NXPH1: variants seen among roughly 807,000 people sequenced by gnomAD.
The protein encoded by NXPH1 is neurexophilin 1.
NXPH1 carries 5 observed loss-of-function variants against 23.7 expected under a neutral mutation model. That is an observed-to-expected ratio of 0.21 (90% CI 0.11 to 0.44). NXPH1 has a LOEUF of 0.44. NXPH1 is among the 20% of genes least tolerant of loss of function. NXPH1 has a pLI of 0.99. For missense variants in NXPH1, 324 were observed against 321.6 expected (o/e 1.01, Z -0.06); for synonymous variants, 144 against 122.2 (o/e 1.18, Z -1.18).
At chr7:8,448,838 AAAAG>A (rs1172434900) in intron 2 of NXPH1, among the ~76,000 whole-genome samples, 1 of 151,594 alleles carries the variant, frequency 6.6e-6, no homozygotes, top group African/African-American at 2.4e-5. Context: ...AAAAAAAAAA[AAAAG>A]GACATTTCTA....
intron 2 of NXPH1, among the ~76,000 whole-genome samples, chr7:8,699,849 G>A (rs991371606): frequency 6.6e-6 from 1 of 152,060 alleles, no homozygotes; most frequent in African/African-American, 2.4e-5. Context: ...TGCTCTTCAT[G>A]GTGATTTGTG....
chr7:8,599,447 C>G (rs1173180855), intron 2 of NXPH1, among the ~76,000 whole-genome samples: 2 of 152,100 alleles, frequency 1.3e-5, no homozygotes, highest in Non-Finnish European at 2.9e-5. Context: ...CTGTCTTCCC[C>G]ACTTAGTAAG....
chr7:8,701,030 C>G (rs947022103), intron 2 of NXPH1, among the ~76,000 whole-genome samples: 1 of 152,038 alleles, frequency 6.6e-6, no homozygotes, highest in South Asian at 2.1e-4. Context: ...GAAAGTTTCA[C>G]CACTCTCTCA....
intron 2 of NXPH1, among the ~76,000 whole-genome samples, chr7:8,541,269 A>G (rs1014873963): frequency 5.9e-5 from 9 of 151,768 alleles, no homozygotes; most frequent in African/African-American, 2.2e-4. Flanking sequence ...ACTTGAAGAC[A>G]TAACAATAGA....
intron 2 of NXPH1, among the ~76,000 whole-genome samples, chr7:8,650,116 C>T (rs901558667): frequency 1.3e-5 from 2 of 152,090 alleles, no homozygotes; most frequent in Non-Finnish European, 2.9e-5. Flanking sequence ...TCTTAATTTA[C>T]TTTGATTTAG....
intron 2 of NXPH1, among the ~76,000 whole-genome samples, chr7:8,676,773 G>T (rs773101818): frequency 3.3e-5 from 5 of 152,106 alleles, no homozygotes; most frequent in African/African-American, 1.2e-4. Flanking sequence ...GGGCTTAAAG[G>T]CCAGAGAGAA....
intron 2 of NXPH1, among the ~76,000 whole-genome samples, chr7:8,574,612 T>A (rs1424208220): frequency 6.6e-6 from 1 of 152,196 alleles, no homozygotes; most frequent in Non-Finnish European, 1.5e-5. Context: ...GTTGTTTTCC[T>A]GGTGTCTGCA....
In NXPH1 at chr7:8,725,163, G is replaced by A. The variant is rs180893756; in HGVS notation, c.55-25845G>A. Among the ~76,000 whole-genome samples the A allele has an allele frequency of 7.9e-4, 120 of 152,302 alleles. 1 individual carries two copies. Among genetic ancestry groups the A allele is most frequent in the Non-Finnish European group, 1.5e-3 (104 of 68,020 alleles). On this transcript the variant is annotated intron_variant, in intron 2 of 2. Coordinates refer to ENST00000405863, the MANE Select transcript of NXPH1 (RefSeq NM_152745.3). ...AATAGTGGTGTTTGATATTCTCAGT[G>A]CATGAGTTGTATCTTCCCTGAGCTA...
chr7:8,711,134 C>A (rs569080541), intron 2 of NXPH1, among the ~76,000 whole-genome samples: 21 of 152,234 alleles, frequency 1.4e-4, no homozygotes, highest in African/African-American at 5.1e-4. Context: ...AAAGGGTGAA[C>A]CATTTCCAAG....
intron 2 of NXPH1, among the ~76,000 whole-genome samples, chr7:8,732,691 A>G (rs894022937): frequency 5.9e-5 from 9 of 152,108 alleles, no homozygotes; most frequent in African/African-American, 1.9e-4. Context: ...CTTAGATGAG[A>G]TACGCCTTAT....
At chr7:8,539,583 A>C (rs927633546) in intron 2 of NXPH1, among the ~76,000 whole-genome samples, 3 of 151,860 alleles carry the variant, frequency 2.0e-5, no homozygotes, top group African/African-American at 7.2e-5. Flanking sequence ...CAACCCTCAC[A>C]TATTATGTAT....
intron 2 of NXPH1, among the ~76,000 whole-genome samples, chr7:8,537,479 G>A: frequency 6.6e-6 from 1 of 151,862 alleles, no homozygotes. Context: ...AGCAAAGGGG[G>A]AAAAGCCTCT....
At chr7:8,519,993 A>C (rs1319216155) in intron 2 of NXPH1, among the ~76,000 whole-genome samples, 1 of 152,120 alleles carries the variant, frequency 6.6e-6, no homozygotes, top group African/African-American at 2.4e-5. Context: ...GTTTTTCACT[A>C]TCTCCATCAT....
intron 2 of NXPH1, among the ~76,000 whole-genome samples, chr7:8,706,799 G>C (rs1000104061): frequency 6.6e-6 from 1 of 152,186 alleles, no homozygotes; most frequent in African/African-American, 2.4e-5. Flanking sequence ...TCCTCTGTGG[G>C]TACCCCATTG....
intron 2 of NXPH1, among the ~76,000 whole-genome samples, chr7:8,748,223 A>G (rs1780504599): frequency 6.6e-6 from 1 of 152,190 alleles, no homozygotes; most frequent in South Asian, 2.1e-4. Flanking sequence ...TACTGTTTGA[A>G]TGTGGTCCAT....
chr7:8,629,659 C>G (rs933476983), intron 2 of NXPH1, among the ~76,000 whole-genome samples: 4 of 151,700 alleles, frequency 2.6e-5, no homozygotes, highest in African/African-American at 9.7e-5. Context: ...AAGTAGAGGC[C>G]ACTGGGTGAA....
In NXPH1 at chr7:8,519,671, C is replaced by A. The variant is rs192802138; in HGVS notation, c.54+83904C>A. 1.7e-3 allele frequency among the ~76,000 whole-genome samples: 255 copies of A among 152,238 alleles called. 3 individuals are homozygous for A. Among genetic ancestry groups the A allele is most frequent in the Non-Finnish European group, 2.1e-3 (140 of 68,024 alleles). On this transcript the variant is annotated intron_variant, in intron 2 of 2. Coordinates refer to ENST00000405863, the MANE Select transcript of NXPH1 (RefSeq NM_152745.3). ...GTGCCTTCTTCTCTCTCTCCCTCAC[C>A]GCTCCTTATGTTTTTACCTTTCCGT...
At chr7:8,630,005 T>C (rs1002604259) in intron 2 of NXPH1, among the ~76,000 whole-genome samples, 4 of 152,248 alleles carry the variant, frequency 2.6e-5, no homozygotes, top group Middle Eastern at 3.4e-3. Flanking sequence ...GAGGCCAAGA[T>C]GGGTGGATTG....
rs60436502 is a variant in NXPH1 at position 8,483,965 on chromosome 7, C to CTTTTTTTTTTTTTTTT, written c.54+48200_54+48215dup. On this transcript the variant is annotated intron_variant, in intron 2 of 2. Coordinates refer to ENST00000405863, the MANE Select transcript of NXPH1 (RefSeq NM_152745.3). ...CTAGAATAAATAACACTCCCCCCAC[C>CTTTTTTTTTTTTTTTT]TTTTTTTTTTTTTTTTTAAGAAGTA... is the stretch of plus-strand genomic sequence containing the variant. 1.9e-3 allele frequency among the ~76,000 whole-genome samples: 246 copies of CTTTTTTTTTTTTTTTT among 132,280 alleles called. 9 individuals are homozygous for CTTTTTTTTTTTTTTTT. The highest frequency in any genetic ancestry group is 7.2e-3 in the African/African-American group (230 of 32,014). The allele number at this position is 132,280 out of a possible 152,430, so 86.8% of individuals were successfully genotyped here. A position where few individuals can be genotyped will look rare whatever the true frequency, so the allele number is the denominator to read the frequency against.
Sources: gnomAD v4.1 joint callset for allele counts (sites outside exome capture counted in the v4.1 genomes callset) on GRCh38, gnomAD v4.1.1 for gene constraint, MANE v1.5 for transcripts, NCBI Gene and HGNC (gene_info 2026-07-23, HGNC 2026-07-21) for gene names.